Variants in FHOD3 observed in about 807,000 individuals in gnomAD.
The protein encoded by FHOD3 is formin homology 2 domain containing 3.
FHOD3 carries 90 observed loss-of-function variants against 173.0 expected under a neutral mutation model. The ratio of observed to expected loss-of-function variants is 0.52; its 90% CI spans 0.44 to 0.62. The LOEUF is 0.62. FHOD3 is among the 20% of genes least tolerant of loss of function. FHOD3 has a pLI of 0.00. For missense variants in FHOD3, 1,945 were observed against 2,034.7 expected, an observed-to-expected ratio of 0.96 and a Z score of 0.85; for synonymous variants, 828 against 823.0, an observed-to-expected ratio of 1.01 and a Z score of -0.10.
At chr18:36,381,312 G>A (rs1230034325) in intron 3 of FHOD3, among the ~76,000 whole-genome samples, 1 of 152,214 alleles carries the variant, frequency 6.6e-6, no homozygotes, top group East Asian at 1.9e-4. Context: ...CTATGTTTGG[G>A]AATGCAGCTG....
At chr18:36,400,736 G>A (rs985663219) in intron 3 of FHOD3, among the ~76,000 whole-genome samples, 1 of 152,238 alleles carries the variant, frequency 6.6e-6, no homozygotes, top group African/African-American at 2.4e-5. Context: ...GAGGCTGGGA[G>A]CAGAGGTCTA....
chr18:36,419,154 G>C (rs929023974), intron 3 of FHOD3, among the ~76,000 whole-genome samples: 1 of 151,838 alleles, frequency 6.6e-6, no homozygotes, highest in Non-Finnish European at 1.5e-5. Flanking sequence ...AAAATGTTGT[G>C]AAATAACATT....
intron 9 of FHOD3, among the ~76,000 whole-genome samples, chr18:36,622,981 T>G (rs2033826691): frequency 6.6e-6 from 1 of 152,236 alleles, no homozygotes; most frequent in African/African-American, 2.4e-5. Flanking sequence ...AGGCTACCCT[T>G]GGGTCTACCA....
Position 36,709,204 on chromosome 18 carries a change from T to G in FHOD3, c.2346T>G (p.Gly782=). Reference sequence around the variant, plus strand: ...AGGACATAGCCTCTGCCCACGAGGGTGCAGAGACTGAAGTGGAGCAGGCAC... The same window carrying G: ...AGGACATAGCCTCTGCCCACGAGGGGGCAGAGACTGAAGTGGAGCAGGCAC... ...AGQDIASAHE[G]AETEVEQALE... Residue 782 remains glycine (G), a synonymous_variant, in exon 18 of 29, where the codon GGT becomes GGG. Transcript: ENST00000590592. 2 of 1,613,944 alleles carry G rather than the reference T, an allele frequency of 1.2e-6. No homozygotes were observed. The highest frequency in any genetic ancestry group is 1.7e-6 in the Non-Finnish European group (2 of 1,180,006).
intron 16 of FHOD3, among the ~76,000 whole-genome samples, chr18:36,689,044 G>A (rs1217268071): frequency 1.3e-5 from 2 of 152,148 alleles, no homozygotes; most frequent in African/African-American, 4.8e-5. Flanking sequence ...CTGTTTACAC[G>A]GAGGTCTAGG....
At chr18:36,745,416 G>A (rs2042102926) in intron 23 of FHOD3, among the ~76,000 whole-genome samples, 2 of 152,126 alleles carry the variant, frequency 1.3e-5, no homozygotes, top group Non-Finnish European at 2.9e-5. Context: ...TCTTTCTGAT[G>A]CAATAGCATC....
chr18:36,666,823 C>T (rs1022943469), intron 14 of FHOD3, among the ~76,000 whole-genome samples: 4 of 152,088 alleles, frequency 2.6e-5, no homozygotes, highest in Admixed American at 6.5e-5. Context: ...TAAGTTTTGG[C>T]GTATGTGTAC....
chr18:36,375,657 G>T (rs1009516926), intron 3 of FHOD3, among the ~76,000 whole-genome samples: 1 of 152,198 alleles, frequency 6.6e-6, no homozygotes, highest in Non-Finnish European at 1.5e-5. Context: ...ATGAGAGTGT[G>T]GTGGGTGAGC....
intron 3 of FHOD3, among the ~76,000 whole-genome samples, chr18:36,500,705 A>T (rs932050683): frequency 9.9e-5 from 15 of 152,226 alleles, no homozygotes; most frequent in African/African-American, 3.4e-4. Flanking sequence ...GTAAATGGTG[A>T]TACCAGGTTT....
At chr18:36,714,885 G>A (rs2040364030) in intron 18 of FHOD3, among the ~76,000 whole-genome samples, 1 of 152,200 alleles carries the variant, frequency 6.6e-6, no homozygotes, top group Non-Finnish European at 1.5e-5. Flanking sequence ...GTTGCACCAA[G>A]GACAGAGAAC....
intron 10 of FHOD3, among the ~76,000 whole-genome samples, chr18:36,644,765 TGTTA>T (rs2035566960): frequency 6.6e-6 from 1 of 152,208 alleles, no homozygotes; most frequent in Admixed American, 6.5e-5. Context: ...GGATAGGTAC[TGTTA>T]GTGCCCCATG....
rs1444621951 is a variant in FHOD3, at chr18:36,380,573, TTTTCTTTTCCTTTCCTTTCC to T, written c.337+7834_337+7853del. Among the ~76,000 whole-genome samples, 87 of 80,036 alleles carry T rather than the reference TTTTCTTTTCCTTTCCTTTCC, an allele frequency of 1.1e-3. 1 individual carries two copies. The highest frequency in any genetic ancestry group is 0.01 in the South Asian group (16 of 1,538). 52.5% of individuals were successfully genotyped at this position (80,036 alleles called of 152,430 possible). A position where few individuals can be genotyped will look rare whatever the true frequency, so the allele number is the denominator to read the frequency against. ...TTTTGTTTTCTTTTCTTTTCTTTTC[TTTTCTTTTCCTTTCCTTTCC>T]TTTCCTTTCCTTTCCTTTCCTTTCC... On this transcript the variant is annotated intron_variant, in intron 3 of 28. Transcript: ENST00000590592.
intron 9 of FHOD3, among the ~76,000 whole-genome samples, 192 bp downstream of exon 9, chr18:36,612,287 C>T (rs2032764794): frequency 6.6e-6 from 1 of 152,182 alleles, no homozygotes; most frequent in African/African-American, 2.4e-5. Flanking sequence ...TTATGACAAG[C>T]CTTCCAGGAG....
intron 20 of FHOD3, among the ~76,000 whole-genome samples, chr18:36,732,071 A>G (rs1211774736): frequency 6.6e-6 from 1 of 152,220 alleles, no homozygotes; most frequent in African/African-American, 2.4e-5. Context: ...CACAGAGAGG[A>G]GAGTGCTATT....
intron 3 of FHOD3, among the ~76,000 whole-genome samples, chr18:36,499,158 C>T (rs1038664072): frequency 2.6e-5 from 4 of 152,066 alleles, no homozygotes; most frequent in African/African-American, 7.2e-5. Flanking sequence ...GGCTGGAGTG[C>T]GGTGACATGA....
intron 5 of FHOD3, among the ~76,000 whole-genome samples, chr18:36,513,705 A>G (rs2055789464): frequency 6.6e-6 from 1 of 151,916 alleles, no homozygotes; most frequent in African/African-American, 2.4e-5. Flanking sequence ...CAGAGCCTTC[A>G]TCCCTCTTTC....
At chr18:36,298,768 T>G (rs2091878563) in intron 1 of FHOD3, among the ~76,000 whole-genome samples, 1 of 151,896 alleles carries the variant, frequency 6.6e-6, no homozygotes, top group Admixed American at 6.5e-5. Flanking sequence ...GGTTTTTTTT[T>G]TTTTATTTGT....
chr18:36,458,813 T>C (rs1421467567), intron 3 of FHOD3, among the ~76,000 whole-genome samples: 1 of 152,150 alleles, frequency 6.6e-6, no homozygotes, highest in African/African-American at 2.4e-5. Context: ...TTCAAATATA[T>C]TTTAGTACTT....
intron 2 of FHOD3, among the ~76,000 whole-genome samples, chr18:36,362,000 G>A (rs1297641353): frequency 2.6e-5 from 4 of 152,212 alleles, no homozygotes; most frequent in Non-Finnish European, 5.9e-5. Context: ...CATGCTGAAT[G>A]GACACTGGAA....
Sources: gnomAD v4.1 joint callset for allele counts (sites outside exome capture counted in the v4.1 genomes callset) on GRCh38, gnomAD v4.1.1 for gene constraint, MANE v1.5 for transcripts, NCBI Gene and HGNC (gene_info 2026-07-23, HGNC 2026-07-21) for gene names.